The following ARHGAP26 variants were observed in gnomAD, a reference collection of about 807,000 sequenced individuals.
ARHGAP26 encodes Rho GTPase activating protein 26.
A neutral mutation model predicts 104.8 loss-of-function variants in ARHGAP26; 38 were observed. The observed-to-expected ratio is 0.36, with a 90% CI of 0.28 to 0.48. The LOEUF (loss-of-function observed/expected upper bound fraction) is 0.48, where lower values mean the gene tolerates loss of function less well. ARHGAP26 is among the 20% of genes least tolerant of loss of function. The probability of loss-of-function intolerance (pLI) is 0.99; values close to 1 mark genes in which losing one functional copy is unlikely to be tolerated. For missense variants in ARHGAP26, 704 were observed against 947.9 expected (o/e 0.74, Z 3.38); for synonymous variants, 341 against 340.0 (o/e 1.00, Z -0.03).
At chr5:142,775,318 C>T (rs574932803) in intron 1 of ARHGAP26, among the ~76,000 whole-genome samples, 70 of 152,196 alleles carry the variant, frequency 4.6e-4, no homozygotes, top group Admixed American at 1.2e-3. Context: ...GTAGTGGTAT[C>T]TCATTTTAAA....
Position 142,799,536 on chromosome 5 carries a change from G to A in ARHGAP26, c.154+28621G>A, listed in dbSNP as rs1389152101. Among the ~76,000 whole-genome samples, 4 of 152,226 alleles carry A rather than the reference G, an allele frequency of 2.6e-5. No individual in the cohort carries two copies. The East Asian group carries it at 7.7e-4, about 29-fold the overall frequency. On this transcript the variant is annotated intron_variant, in intron 1 of 22. Transcript: ENST00000645722. ...GATTTATTCCTTGAGCTGTAGGAAT[G>A]ACATGTACCTTAGTTCGTTTTGTGC...
chr5:143,135,918 G>C (rs1038556087), intron 19 of ARHGAP26, among the ~76,000 whole-genome samples: 1 of 152,184 alleles, frequency 6.6e-6, no homozygotes, highest in Non-Finnish European at 1.5e-5. Context: ...GGGCCCCTGC[G>C]AGTGTACCAG....
chr5:142,874,200 AC>A (rs1755742757), intron 2 of ARHGAP26, among the ~76,000 whole-genome samples: 1 of 152,076 alleles, frequency 6.6e-6, no homozygotes, highest in African/African-American at 2.4e-5. Context: ...CTTCACCATC[AC>A]CTGCCTTGGT....
chr5:142,939,805 A>T (rs553649182), intron 11 of ARHGAP26, among the ~76,000 whole-genome samples: 2 of 152,242 alleles, frequency 1.3e-5, no homozygotes, highest in East Asian at 3.8e-4. Context: ...CCCCTACCTC[A>T]TAAGAGTGCT....
chr5:143,075,354 A>AT (rs1402724679), intron 17 of ARHGAP26, among the ~76,000 whole-genome samples: 1 of 150,708 alleles, frequency 6.6e-6, no homozygotes. Context: ...GTATAAATTT[A>AT]TTTTAACAGT....
At chr5:142,862,019 C>G (rs1753448530) in intron 1 of ARHGAP26, among the ~76,000 whole-genome samples, 1 of 152,228 alleles carries the variant, frequency 6.6e-6, no homozygotes, top group Non-Finnish European at 1.5e-5. Context: ...CTGTGACTTT[C>G]CGAATTCACA....
Position 143,228,276 on chromosome 5 carries a change from A to G in ARHGAP26, c.*5830A>G, listed in dbSNP as rs1409934523. 2 of 224,428 alleles carry G rather than the reference A, an allele frequency of 8.9e-6. No individual in the cohort carries two copies. The highest frequency in any genetic ancestry group is 4.5e-5 in the African/African-American group (2 of 44,876). 13.9% of individuals were successfully genotyped at this position (224,428 alleles called of 1,614,324 possible). A position where few individuals can be genotyped will look rare whatever the true frequency, so the allele number is the denominator to read the frequency against. On this transcript the variant is annotated 3_prime_UTR_variant, in exon 23 of 23. Coordinates refer to ENST00000645722, the MANE Select transcript of ARHGAP26 (RefSeq NM_001135608.3). Reference sequence around the variant, plus strand: ...GTGTGTGTATACAGCACATATTTACATCTATGAAGACATAGACACTTACAG... The same window carrying G: ...GTGTGTGTATACAGCACATATTTACGTCTATGAAGACATAGACACTTACAG...
chr5:143,063,942 G>A (rs1419940204), intron 17 of ARHGAP26, among the ~76,000 whole-genome samples: 1 of 152,136 alleles, frequency 6.6e-6, no homozygotes, highest in Non-Finnish European at 1.5e-5. Flanking sequence ...AAGCTCTCAG[G>A]GGATGGGCAG....
At position 142,894,259 on chromosome 5, in the gene ARHGAP26, G is replaced by A. The variant is rs1462830630; in HGVS notation, c.508G>A (p.Val170Ile). The part of the protein sequence containing the change: ...LQEADSQVDL[V>I]RQHFYEVSLE... The stretch of plus-strand genomic sequence containing the variant: ...GTAGGCAGACAGCCAAGTGGACCTG[G>A]TCCGGCAGCATTTCTATGAAGTATC... The change falls in exon 6 of 23, where the codon GTC becomes ATC. Residue 170 changes from valine (V) to isoleucine (I), a missense_variant. Around this residue, in one of 6 missense-constraint regions of ARHGAP26, gnomAD observed 106 missense variants for 120.5 expected, o/e 0.88. Coordinates refer to ENST00000645722, the MANE Select transcript of ARHGAP26 (RefSeq NM_001135608.3). 4 of 1,613,850 alleles carry A rather than the reference G, an allele frequency of 2.5e-6. No individual in the cohort carries two copies. The highest frequency in any genetic ancestry group is 3.4e-6 in the Non-Finnish European group (4 of 1,179,930).
intron 1 of ARHGAP26, among the ~76,000 whole-genome samples, chr5:142,827,271 G>C (rs1461725328): frequency 6.6e-6 from 1 of 152,136 alleles, no homozygotes; most frequent in Admixed American, 6.5e-5. Flanking sequence ...TGTGGTCATG[G>C]TCTTACTACA....
intron 20 of ARHGAP26, among the ~76,000 whole-genome samples, chr5:143,200,603 A>T (rs1030279650): frequency 6.6e-6 from 1 of 152,130 alleles, no homozygotes; most frequent in South Asian, 2.1e-4. Flanking sequence ...TCTCCAAAAA[A>T]AAGCGAGGAG....
chr5:142,982,639 C>A (rs1038700437), intron 11 of ARHGAP26, among the ~76,000 whole-genome samples: 2 of 152,214 alleles, frequency 1.3e-5, no homozygotes, highest in Non-Finnish European at 2.9e-5. Flanking sequence ...TTTATCTGCC[C>A]AGTGACTGAT....
chr5:143,191,179 A>C (rs1439420559), intron 20 of ARHGAP26, among the ~76,000 whole-genome samples: 1 of 152,252 alleles, frequency 6.6e-6, no homozygotes, highest in South Asian at 2.1e-4. Flanking sequence ...TTCATGGTAT[A>C]TAAATTATAC....
At chr5:142,929,886 C>A (rs1012343013) in intron 10 of ARHGAP26, among the ~76,000 whole-genome samples, 8 of 152,150 alleles carry the variant, frequency 5.3e-5, no homozygotes, top group Non-Finnish European at 1.5e-5. Flanking sequence ...GACCTCACTG[C>A]AGAAAGGAGG....
chr5:143,092,738 A>G (rs919168087), intron 17 of ARHGAP26, among the ~76,000 whole-genome samples: 2 of 152,228 alleles, frequency 1.3e-5, no homozygotes, highest in African/African-American at 4.8e-5. Context: ...ATTCTTTGCT[A>G]TTAATAAGAC....
At chr5:142,933,793 A>G (rs538247350) in intron 11 of ARHGAP26, among the ~76,000 whole-genome samples, 1 of 152,344 alleles carries the variant, frequency 6.6e-6, no homozygotes, top group East Asian at 1.9e-4. Context: ...ATTACTTCAA[A>G]GAAGAAGAGG....
intron 6 of ARHGAP26, among the ~76,000 whole-genome samples, chr5:142,897,779 A>G (rs1250785485): frequency 6.6e-6 from 1 of 152,224 alleles, no homozygotes; most frequent in Non-Finnish European, 1.5e-5. Flanking sequence ...TTTTCAGATG[A>G]AGAAATTGAA....
At chr5:142,955,533 A>G (rs1381709484) in intron 11 of ARHGAP26, among the ~76,000 whole-genome samples, 1 of 152,146 alleles carries the variant, frequency 6.6e-6, no homozygotes, top group African/African-American at 2.4e-5. Context: ...TGGACTCTCT[A>G]AGAAATTTGG....
At chr5:143,128,945 A>G (rs1040390308) in intron 18 of ARHGAP26, among the ~76,000 whole-genome samples, 1 of 152,234 alleles carries the variant, frequency 6.6e-6, no homozygotes, top group Non-Finnish European at 1.5e-5. Flanking sequence ...AATAAAGAGT[A>G]CACCACACAC....
Sources: gnomAD v4.1 joint callset for allele counts (sites outside exome capture counted in the v4.1 genomes callset) on GRCh38, gnomAD v4.1.1 for gene constraint, gnomAD v4.1.1 regional missense constraint, MANE v1.5 for transcripts, NCBI Gene and HGNC (gene_info 2026-07-23, HGNC 2026-07-21) for gene names.